The following MBOAT2 variants were observed in gnomAD, a reference collection of about 807,000 sequenced individuals.
MBOAT2 encodes membrane-bound glycerophospholipid O-acyltransferase 2.
Under a neutral mutation model 63.4 loss-of-function variants are expected in MBOAT2, and 28 were observed. The observed-to-expected ratio is 0.44, with a 90% CI of 0.33 to 0.61. The LOEUF (loss-of-function observed/expected upper bound fraction) is 0.61. Among genes scored for constraint, MBOAT2 ranks in the 20% least tolerant of loss-of-function variants. MBOAT2 has a pLI of 0.03. For missense variants in MBOAT2, 470 were observed against 605.8 expected, an observed-to-expected ratio of 0.78 and a Z score of 2.35; for synonymous variants, 211 against 215.6, an observed-to-expected ratio of 0.98 and a Z score of 0.19.
intron 1 of MBOAT2, among the ~76,000 whole-genome samples, chr2:8,984,808 A>ATTTGGCTC (rs1671443705): frequency 6.6e-6 from 1 of 152,128 alleles, no homozygotes; most frequent in Non-Finnish European, 1.5e-5. Flanking sequence ...TTACATAACT[A>ATTTGGCTC]CCTTTTAAAT....
At chr2:8,864,140 CATCTAAAG>C (rs1661689442) in intron 10 of MBOAT2, 22 bp downstream of exon 10, 1 of 1,499,594 alleles carries the variant, frequency 6.7e-7, no homozygotes, top group Non-Finnish European at 9.0e-7. Context: ...CGCCAAAGCA[CATCTAAAG>C]ATCGTTTTTG....
chr2:8,964,452 C>T (rs745852759), intron 1 of MBOAT2, among the ~76,000 whole-genome samples: 2 of 150,772 alleles, frequency 1.3e-5, no homozygotes, highest in African/African-American at 2.5e-5. Context: ...CAAGCAACAT[C>T]CACTTGACTA....
At chr2:8,871,224 C>G (rs2148521229) in intron 8 of MBOAT2, among the ~76,000 whole-genome samples, 1 of 152,232 alleles carries the variant, frequency 6.6e-6, no homozygotes, top group East Asian at 1.9e-4. Flanking sequence ...TCTCAAACTT[C>G]TGGCTTCAAG....
At chr2:8,984,555 T>A (rs553053904) in intron 1 of MBOAT2, among the ~76,000 whole-genome samples, 1 of 152,092 alleles carries the variant, frequency 6.6e-6, no homozygotes, top group East Asian at 1.9e-4. Context: ...GTGGCTTTCA[T>A]CATCCTCTAA....
rs1662748997 is a variant in MBOAT2, at chr2:8,877,058, T to C, written c.662A>G (p.Gln221Arg). Residue 221 changes from glutamine (Q) to arginine (R), a missense_variant, in exon 7 of 13, where the codon CAG becomes CGG. Physicochemically the swap from Gln to Arg is conservative, Grantham distance 43. Coordinates refer to ENST00000305997, the MANE Select transcript of MBOAT2 (RefSeq NM_138799.4). Reference sequence around the variant, plus strand: ...TGGAGATGGCTCTGTTCTTTCATACTGTGTCTCTTCTTTTCCATTTTCACC... The same window carrying C: ...TGGAGATGGCTCTGTTCTTTCATACCGTGTCTCTTCTTTTCCATTTTCACC... ...QSGENGKEET[Q>R]YERTEPSPNT... is the part of the protein sequence containing the mutation. 2 of 1,612,892 alleles carry C rather than the reference T, an allele frequency of 1.2e-6. No individual in the cohort carries two copies. Among genetic ancestry groups the C allele is most frequent in the African/African-American group, 2.7e-5 (2 of 74,902 alleles).
intron 2 of MBOAT2, among the ~76,000 whole-genome samples, chr2:8,948,332 AC>A (rs1247663959): frequency 2.0e-5 from 3 of 152,214 alleles, no homozygotes; most frequent in African/African-American, 7.2e-5. Context: ...AATAACAACA[AC>A]AAAAAATTTT....
intron 3 of MBOAT2, among the ~76,000 whole-genome samples, chr2:8,923,847 T>A (rs1344642474): frequency 6.6e-6 from 1 of 152,204 alleles, no homozygotes; most frequent in Non-Finnish European, 1.5e-5. Flanking sequence ...GTTCATCCAG[T>A]TGTACAGCCG....
intron 5 of MBOAT2, among the ~76,000 whole-genome samples, chr2:8,886,973 C>T (rs982346136): frequency 2.6e-5 from 4 of 152,148 alleles, no homozygotes; most frequent in Non-Finnish European, 5.9e-5. Flanking sequence ...AATGCAAGAA[C>T]TACAAGACAC....
chr2:8,965,072 T>A (rs1052216373), intron 1 of MBOAT2, among the ~76,000 whole-genome samples: 2 of 152,214 alleles, frequency 1.3e-5, no homozygotes, highest in African/African-American at 4.8e-5. Context: ...GTGAGCTCTT[T>A]AGCTTTTTAT....
intron 4 of MBOAT2, among the ~76,000 whole-genome samples, chr2:8,889,806 T>C (rs971353925): frequency 2.0e-5 from 3 of 152,224 alleles, no homozygotes; most frequent in Admixed American, 6.5e-5. Context: ...CAGGTATACA[T>C]AGACAAGATG....
chr2:8,928,108 C>T (rs1319131684), intron 3 of MBOAT2, among the ~76,000 whole-genome samples: 3 of 152,118 alleles, frequency 2.0e-5, no homozygotes, highest in Admixed American at 2.0e-4. Context: ...ACTGTGAGAA[C>T]AGTATCAAAG....
intron 5 of MBOAT2, among the ~76,000 whole-genome samples, chr2:8,883,880 A>G (rs75086372): frequency 0.013 from 1,959 of 152,160 alleles, 26 homozygotes; most frequent in Non-Finnish European, 0.021. Flanking sequence ...TTTGACAATT[A>G]TGTAAAAAGA....
intron 4 of MBOAT2, among the ~76,000 whole-genome samples, chr2:8,895,620 C>T (rs1015178512): frequency 1.3e-5 from 2 of 152,246 alleles, no homozygotes; most frequent in African/African-American, 4.8e-5. Context: ...GCCCAGCCAG[C>T]TTCACCTCTC....
intron 2 of MBOAT2, among the ~76,000 whole-genome samples, chr2:8,956,100 A>C (rs1210981567): frequency 2.6e-5 from 4 of 152,138 alleles, no homozygotes; most frequent in Non-Finnish European, 5.9e-5. Flanking sequence ...TACAATATTC[A>C]CTGTATTATG....
chr2:8,929,125 T>G (rs550049865), intron 3 of MBOAT2, among the ~76,000 whole-genome samples: 8 of 152,354 alleles, frequency 5.3e-5, no homozygotes, highest in African/African-American at 1.9e-4. Context: ...GTACCTTTTT[T>G]GTATGCCAGG....
At chr2:8,878,851 C>T (rs564325800) in intron 6 of MBOAT2, among the ~76,000 whole-genome samples, 13 of 151,910 alleles carry the variant, frequency 8.6e-5, no homozygotes, top group African/African-American at 2.7e-4. Flanking sequence ...CCGAGGCGGG[C>T]GGATCACGAG....
chr2:8,911,026 C>T (rs1665675380), intron 3 of MBOAT2, among the ~76,000 whole-genome samples: 1 of 152,218 alleles, frequency 6.6e-6, no homozygotes, highest in African/African-American at 2.4e-5. Context: ...AATCAAGGAA[C>T]TGATCACACA....
chr2:8,971,379 A>C (rs1670442018), intron 1 of MBOAT2, among the ~76,000 whole-genome samples: 1 of 152,142 alleles, frequency 6.6e-6, no homozygotes, highest in Non-Finnish European at 1.5e-5. Context: ...AAATAATAAG[A>C]GCTATTTATG....
chr2:8,864,438 T>A (rs920306526), intron 9 of MBOAT2, among the ~76,000 whole-genome samples: 3 of 152,294 alleles, frequency 2.0e-5, no homozygotes, highest in African/African-American at 7.2e-5. Flanking sequence ...GGAACATCTA[T>A]GAGGTGATGG....
Sources: gnomAD v4.1 joint callset for allele counts (sites outside exome capture counted in the v4.1 genomes callset) on GRCh38, gnomAD v4.1.1 for gene constraint, MANE v1.5 for transcripts, NCBI Gene and HGNC (gene_info 2026-07-23, HGNC 2026-07-21) for gene names.